Variants in RNF144A observed in about 807,000 individuals in gnomAD.
RNF144A encodes the protein E3 ubiquitin-protein ligase RNF144A.
In RNF144A, 11 loss-of-function variants were observed where a neutral mutation model predicts 38.7. The ratio of observed to expected loss-of-function variants is 0.28; its 90% CI spans 0.18 to 0.47. The LOEUF is 0.47. RNF144A is among the 20% of genes least tolerant of loss of function. RNF144A has a pLI of 0.99. For synonymous variants in RNF144A, 149 were observed against 143.9 expected, an observed-to-expected ratio of 1.04 and a Z score of -0.25; for missense variants, 316 against 377.2, an observed-to-expected ratio of 0.84 and a Z score of 1.34.
At chr2:6,927,897 T>C (rs917444009) in intron 1 of RNF144A, among the ~76,000 whole-genome samples, 3 of 152,208 alleles carry the variant, frequency 2.0e-5, no homozygotes, top group Non-Finnish European at 4.4e-5. Context: ...TGGAGGGCCT[T>C]GGAGAGGTGT....
rs114610770 is a variant in RNF144A, at chr2:6,981,372, C to T, written c.-11-15544C>T. ...AACATAAGTTTCAATTTCATATCGTCTCTTTGTGAATGCATGTAACTGTGT... is the reference window on the plus strand; with the variant it reads ...AACATAAGTTTCAATTTCATATCGTTTCTTTGTGAATGCATGTAACTGTGT... On this transcript the variant is annotated intron_variant, in intron 2 of 8. Transcript: ENST00000320892. Among the ~76,000 whole-genome samples, 430 of 152,032 alleles carry T rather than the reference C, an allele frequency of 2.8e-3. 1 individual carries two copies. Among genetic ancestry groups the T allele is most frequent in the Middle Eastern group, 6.8e-3 (2 of 294 alleles).
At chr2:6,932,825 A>G (rs1436438779) in intron 1 of RNF144A, among the ~76,000 whole-genome samples, 1 of 152,258 alleles carries the variant, frequency 6.6e-6, no homozygotes, top group Non-Finnish European at 1.5e-5. Flanking sequence ...AGTTTGTTCC[A>G]TAGCTATAAT....
chr2:6,951,950 T>C (rs751629113), intron 2 of RNF144A, among the ~76,000 whole-genome samples: 25 of 152,206 alleles, frequency 1.6e-4, no homozygotes, highest in Non-Finnish European at 3.1e-4. Flanking sequence ...CAATATTGAA[T>C]TGAAGTAATA....
At chr2:7,020,020 T>C (rs1671411205) in intron 5 of RNF144A, among the ~76,000 whole-genome samples, 1 of 152,238 alleles carries the variant, frequency 6.6e-6, no homozygotes, top group Admixed American at 6.5e-5. Context: ...GTGCTGGCTG[T>C]ATGCCCAACA....
chr2:7,007,837 C>T (rs757004507), intron 3 of RNF144A, among the ~76,000 whole-genome samples: 1 of 152,302 alleles, frequency 6.6e-6, no homozygotes, highest in Non-Finnish European at 1.5e-5. Context: ...ATAGAACAAA[C>T]GGGCCGCGCT....
intron 6 of RNF144A, among the ~76,000 whole-genome samples, chr2:7,067,875 C>T (rs1466867377): frequency 6.6e-6 from 1 of 152,112 alleles, no homozygotes; most frequent in Non-Finnish European, 1.5e-5. Context: ...TCAGTATTTT[C>T]AATATATGAC....
rs550510106 is a variant in RNF144A at position 6,958,839 on chromosome 2, G to C, written c.-12+17692G>C. On this transcript the variant is annotated intron_variant, in intron 2 of 8. Coordinates refer to ENST00000320892, the MANE Select transcript of RNF144A (RefSeq NM_014746.6). This position sits in a 1 kb window ranked among gnomAD's most constrained non-coding sequence, Gnocchi z 4.5. ...GTAGGCTGTGCAGAGATCAAGGTTG[G>C]GAGTGGGCCCTGCTGAAAGGAGCTT... is the stretch of plus-strand genomic sequence containing the variant. Among the ~76,000 whole-genome samples, 2 of 152,230 alleles carry C rather than the reference G, an allele frequency of 1.3e-5. No homozygotes were observed. Among genetic ancestry groups the C allele is most frequent in the Admixed American group, 1.3e-4 (2 of 15,268 alleles).
chr2:7,003,887 G>A (rs1252062949), intron 3 of RNF144A, among the ~76,000 whole-genome samples: 2 of 152,240 alleles, frequency 1.3e-5, no homozygotes, highest in African/African-American at 4.8e-5. Flanking sequence ...GTTTCCATTA[G>A]TAGCCATTGT....
chr2:6,954,319 C>T (rs1205728998), intron 2 of RNF144A, among the ~76,000 whole-genome samples: 1 of 151,486 alleles, frequency 6.6e-6, no homozygotes, highest in Non-Finnish European at 1.5e-5. Flanking sequence ...TTTCTCTTCT[C>T]TTAGTAGACA....
At chr2:7,068,305 G>C (rs550274212), downstream of RNF144A, 11 of 1,211,346 alleles carry the variant, frequency 9.1e-6, no homozygotes, top group African/African-American at 1.1e-4. Flanking sequence ...ACATTTTAAA[G>C]ATAAGATTAA....
At chr2:7,056,697 C>T (rs1673753202) in intron 6 of RNF144A, among the ~76,000 whole-genome samples, 1 of 152,128 alleles carries the variant, frequency 6.6e-6, no homozygotes, top group African/African-American at 2.4e-5. Flanking sequence ...TTAGGGAATC[C>T]CCACTACACA....
intron 2 of RNF144A, among the ~76,000 whole-genome samples, chr2:6,969,895 G>A (rs1667894731): frequency 6.6e-6 from 1 of 151,944 alleles, no homozygotes. Context: ...CCCAGCAGCT[G>A]GGACTACAGG....
At chr2:7,028,842 G>T (rs1672090334) in intron 7 of RNF144A, among the ~76,000 whole-genome samples, 1 of 152,182 alleles carries the variant, frequency 6.6e-6, no homozygotes, top group South Asian at 2.1e-4. Flanking sequence ...TCTGGGCACA[G>T]AAGCGAGGCA....
At chr2:7,011,823 T>A (rs1206582170) in intron 3 of RNF144A, among the ~76,000 whole-genome samples, 1 of 152,222 alleles carries the variant, frequency 6.6e-6, no homozygotes, top group Non-Finnish European at 1.5e-5. Flanking sequence ...TTGTTTTTGA[T>A]GGATGCAAGG....
At chr2:7,058,618 A>G (rs1418794706) in intron 6 of RNF144A, among the ~76,000 whole-genome samples, 1 of 152,192 alleles carries the variant, frequency 6.6e-6, no homozygotes, top group Non-Finnish European at 1.5e-5. Flanking sequence ...AGCTCTAATA[A>G]TATCCCATCT....
In RNF144A at chr2:7,024,416, C is replaced by T; in HGVS notation, c.557C>T (p.Pro186Leu). Residue 186 changes from proline to leucine, a missense_variant, in exon 7 of 9, where the codon CCC (proline) becomes CTC (leucine). Physicochemically the swap from Pro to Leu is moderately conservative, Grantham distance 98. Transcript: ENST00000320892. ...EEDDAPIKRC[P>L]KCKVYIERDE... The stretch of plus-strand genomic sequence containing the variant: ...GATGACGCGCCCATCAAGCGCTGCC[C>T]CAAGTGCAAAGTCTACATCGAGCGA... 1 of 1,612,184 alleles carries T rather than the reference C, an allele frequency of 6.2e-7. No individual in the cohort carries two copies. Among genetic ancestry groups the T allele is most frequent in the Non-Finnish European group, 8.5e-7 (1 of 1,178,276 alleles).
intron 1 of RNF144A, among the ~76,000 whole-genome samples, chr2:6,928,461 G>T (rs1665012544): frequency 6.6e-6 from 1 of 152,120 alleles, no homozygotes; most frequent in Non-Finnish European, 1.5e-5. Flanking sequence ...GTGAAGACTG[G>T]TTGAGAGAAG....
At chr2:6,967,744 T>C (rs1482827236) in intron 2 of RNF144A, among the ~76,000 whole-genome samples, 1 of 152,180 alleles carries the variant, frequency 6.6e-6, no homozygotes, top group Non-Finnish European at 1.5e-5. Flanking sequence ...AATAAATCAC[T>C]TGCATAGGAA....
chr2:7,063,655 A>G (rs955256070), intron 6 of RNF144A, among the ~76,000 whole-genome samples: 2 of 152,134 alleles, frequency 1.3e-5, no homozygotes, highest in Admixed American at 6.5e-5. Flanking sequence ...GCAAAAAAAG[A>G]GCAGCCACAG....
Sources: gnomAD v4.1 joint callset for allele counts (sites outside exome capture counted in the v4.1 genomes callset) on GRCh38, gnomAD v4.1.1 for gene constraint, Gnocchi (gnomAD v3.1) non-coding constraint, MANE v1.5 for transcripts, NCBI Gene and HGNC (gene_info 2026-07-23, HGNC 2026-07-21) for gene names.